ATG5: variants seen among roughly 807,000 people sequenced by gnomAD.
ATG5 encodes autophagy related 5.
ATG5 carries 14 observed loss-of-function variants against 36.5 expected under a neutral mutation model. That is an observed-to-expected ratio of 0.38 (90% confidence interval 0.25 to 0.60). ATG5 has a LOEUF of 0.60. ATG5 is among the 20% of genes least tolerant of loss of function. The pLI is 0.60. For missense variants in ATG5, 195 were observed against 326.7 expected (o/e 0.60, Z 3.11); for synonymous variants, 95 against 101.5 (o/e 0.94, Z 0.38).
intron 1 of ATG5, among the ~76,000 whole-genome samples, chr6:106,322,011 ATT>A (rs1053777237): frequency 2.6e-5 from 4 of 152,162 alleles, no homozygotes; most frequent in Non-Finnish European, 5.9e-5. Context: ...AATTCGGCAT[ATT>A]TTGTTATTTT....
intron 2 of ATG5, among the ~76,000 whole-genome samples, chr6:106,309,359 G>A (rs931655112): frequency 3.3e-5 from 5 of 152,030 alleles, no homozygotes; most frequent in Admixed American, 6.5e-5. Context: ...ATTTAATCAT[G>A]GGAGTCCAAG....
At chr6:106,284,690 G>C (rs978752281) in intron 4 of ATG5, among the ~76,000 whole-genome samples, 2 of 151,412 alleles carry the variant, frequency 1.3e-5, no homozygotes, top group African/African-American at 2.4e-5. Flanking sequence ...CCAATCTAGA[G>C]GGCGTGAAGG....
rs1370228168 is a variant in ATG5, at chr6:106,215,658, T to TA, written c.574-13570dup. 7.2e-5 allele frequency among the ~76,000 whole-genome samples: 11 copies of TA among 151,842 alleles called. No homozygotes were observed. The East Asian group carries it at 2.1e-3, about 29-fold the overall frequency. On this transcript the variant is annotated intron_variant, in intron 6 of 7. Transcript: ENST00000369076. ...AACATAGTAAAACTATAAAATTCTTTAAAAAAAATATAAGAGGAAACCTTC... is the reference window on the plus strand; with the variant it reads ...AACATAGTAAAACTATAAAATTCTTTAAAAAAAAATATAAGAGGAAACCTTC...
chr6:106,225,758 A>T (rs969972541), intron 6 of ATG5, among the ~76,000 whole-genome samples: 1 of 152,178 alleles, frequency 6.6e-6, no homozygotes, highest in African/African-American at 2.4e-5. Context: ...ACATTATTTG[A>T]CTTGACTCAG....
intron 6 of ATG5, among the ~76,000 whole-genome samples, chr6:106,236,053 A>G (rs1241748780): frequency 6.6e-6 from 1 of 152,140 alleles, no homozygotes; most frequent in Non-Finnish European, 1.5e-5. Context: ...TTGTCACTAC[A>G]TATTAGTTTT....
In ATG5 at chr6:106,308,624, C is replaced by T. The variant is rs940353485; in HGVS notation, c.109-133G>A. The T allele has an allele frequency of 4.5e-6, 3 of 671,568 alleles. No individual in the cohort carries two copies. The South Asian group carries it at 7.8e-5, about 17-fold the overall frequency. 41.6% of individuals were successfully genotyped at this position (671,568 alleles called of 1,614,324 possible). A position where few individuals can be genotyped will look rare whatever the true frequency, so the allele number is the denominator to read the frequency against. On this transcript the variant is annotated intron_variant, in intron 2 of 7. Coordinates refer to ENST00000369076, the MANE Select transcript of ATG5 (RefSeq NM_004849.4). ...TTTTGAATATCCCACACAAAGTCTA[C>T]TGCTTTTTATAGAAGATCAAAGGTT...
chr6:106,211,937 C>T (rs1421476725), intron 6 of ATG5, among the ~76,000 whole-genome samples: 6 of 152,156 alleles, frequency 3.9e-5, no homozygotes, highest in African/African-American at 1.4e-4. Flanking sequence ...TGATTTACTA[C>T]ATTTATAAGT....
intron 6 of ATG5, among the ~76,000 whole-genome samples, chr6:106,244,762 G>A (rs976930652): frequency 6.6e-6 from 1 of 152,190 alleles, no homozygotes; most frequent in Non-Finnish European, 1.5e-5. Context: ...CATAGCACAG[G>A]GCATGGCAGG....
chr6:106,283,690 G>C (rs991691822), intron 4 of ATG5: 1 of 152,320 alleles, frequency 6.6e-6, no homozygotes, highest in African/African-American at 2.4e-5. Context: ...TGGGACAACA[G>C]GCATGTGCCA....
chr6:106,256,991 A>G (rs1342204078), intron 5 of ATG5, among the ~76,000 whole-genome samples: 1 of 152,240 alleles, frequency 6.6e-6, no homozygotes, highest in Non-Finnish European at 1.5e-5. Context: ...ACAGCCGCAT[A>G]AAAACATTTT....
rs1562235572 is a variant in ATG5, at chr6:106,248,249, A to G, written c.479-5T>C. On this transcript the variant is annotated splice_region_variant and splice_polypyrimidine_tract_variant and intron_variant, in intron 5 of 7. Transcript: ENST00000369076. ...CCCAAAACTGGTCAAATCTGTCTGT[A>G]ATGATATAAATTATTTGTTATTAAA... is the stretch of plus-strand genomic sequence containing the variant. 1 of 1,574,818 alleles carries G rather than the reference A, an allele frequency of 6.3e-7. No homozygotes were observed. Among genetic ancestry groups the G allele is most frequent in the Admixed American group, 1.7e-5 (1 of 59,828 alleles).
chr6:106,319,737 G>C (rs1195713735), intron 1 of ATG5, among the ~76,000 whole-genome samples: 1 of 152,212 alleles, frequency 6.6e-6, no homozygotes, highest in Non-Finnish European at 1.5e-5. Flanking sequence ...TCCTCCAGCA[G>C]ACTGTAATAG....
chr6:106,187,025 T>G (rs1460824678), intron 7 of ATG5, among the ~76,000 whole-genome samples: 1 of 152,216 alleles, frequency 6.6e-6, no homozygotes, highest in Non-Finnish European at 1.5e-5. Flanking sequence ...CATTAAAAAC[T>G]GTAATATATG....
At chr6:106,204,644 T>C (rs982683475) in intron 6 of ATG5, among the ~76,000 whole-genome samples, 17 of 152,238 alleles carry the variant, frequency 1.1e-4, no homozygotes, top group South Asian at 6.2e-4. Context: ...ACTGAGTGAA[T>C]TCTCATGAGA....
chr6:106,321,384 A>G (rs1582698581), intron 1 of ATG5, among the ~76,000 whole-genome samples: 3 of 142,756 alleles, frequency 2.1e-5, no homozygotes, highest in South Asian at 2.2e-4. Flanking sequence ...TTTGAGACGG[A>G]GTCTCGCTCT....
At chr6:106,278,730 T>C (rs533462417) in intron 5 of ATG5, among the ~76,000 whole-genome samples, 8 of 152,352 alleles carry the variant, frequency 5.3e-5, no homozygotes, top group African/African-American at 1.7e-4. Context: ...TTATCCATTT[T>C]TATAAAATGT....
intron 2 of ATG5, among the ~76,000 whole-genome samples, chr6:106,311,078 T>C (rs1465869981): frequency 6.6e-6 from 1 of 152,206 alleles, no homozygotes; most frequent in Non-Finnish European, 1.5e-5. Flanking sequence ...TAATTCTTTA[T>C]GCCAAGTCCA....
At chr6:106,246,219 A>C (rs1778322722) in intron 6 of ATG5, among the ~76,000 whole-genome samples, 1 of 152,238 alleles carries the variant, frequency 6.6e-6, no homozygotes, top group South Asian at 2.1e-4. Context: ...AAACTGCCCA[A>C]GTGCCTTGAC....
At chr6:106,305,778 G>A (rs2883662) in intron 3 of ATG5, among the ~76,000 whole-genome samples, 14,600 of 152,162 alleles carry the variant, frequency 0.096, 930 homozygotes, top group Admixed American at 0.23. Context: ...CCTATTTTGC[G>A]AAGCCCACTA....
Sources: allele counts gnomAD v4.1 joint callset (sites outside exome capture counted in the v4.1 genomes callset), GRCh38; gene constraint gnomAD v4.1.1; transcripts MANE v1.5; gene names NCBI Gene and HGNC (gene_info 2026-07-23, HGNC 2026-07-21).